Variants in RBPJ observed in about 807,000 individuals in gnomAD.
RBPJ encodes recombination signal binding protein for immunoglobulin kappa J region, also known as recombining binding protein suppressor of hairless.
RBPJ carries 9 observed loss-of-function variants against 67.8 expected under a neutral mutation model. The observed-to-expected ratio is 0.13, with a 90% CI of 0.08 to 0.23. The LOEUF (loss-of-function observed/expected upper bound fraction) is 0.23, where lower values mean the gene tolerates loss of function less well. Among genes scored for constraint, RBPJ ranks in the 10% least tolerant of loss-of-function variants. The pLI is 1.00. For synonymous variants in RBPJ, 198 were observed against 203.3 expected (o/e 0.97, Z 0.22); for missense variants, 305 against 595.6 (o/e 0.51, Z 5.08).
intron 1 of RBPJ, among the ~76,000 whole-genome samples, chr4:26,383,710 A>G (rs1307357128): frequency 1.3e-5 from 2 of 152,172 alleles, no homozygotes; most frequent in African/African-American, 4.8e-5. Flanking sequence ...GGTACATTTA[A>G]TCGGTGTAAA....
At position 26,388,326 on chromosome 4, in the gene RBPJ, A is replaced by C. The variant is rs576217006; in HGVS notation, c.59+1935A>C. On this transcript the variant is annotated intron_variant, in intron 2 of 10. Coordinates refer to ENST00000355476, the MANE Select transcript of RBPJ (RefSeq NM_015874.6). Reference sequence around the variant, plus strand: ...AAAACAGTTATTATATTTGTGTTCTATATGTCCAAGATGTCAAGATCAAGA... The same window carrying C: ...AAAACAGTTATTATATTTGTGTTCTCTATGTCCAAGATGTCAAGATCAAGA... Among the ~76,000 whole-genome samples, 202 of 152,268 alleles carry C rather than the reference A, an allele frequency of 1.3e-3. 1 individual carries two copies. The highest frequency in any genetic ancestry group is 2.4e-3 in the Non-Finnish European group (161 of 68,022).
intron 1 of RBPJ, among the ~76,000 whole-genome samples, chr4:26,290,939 T>C (rs1264400016): frequency 6.6e-6 from 1 of 151,100 alleles, no homozygotes; most frequent in African/African-American, 2.4e-5. Context: ...AAAGCAGATA[T>C]GCTAAAGTAA....
At chr4:26,316,326 T>TATATATACATTCATATATACATATTC (rs1288525880), upstream of RBPJ, among the ~76,000 whole-genome samples, 6 of 147,474 alleles carry the variant, frequency 4.1e-5, no homozygotes, top group Admixed American at 2.1e-4. Context: ...TACATATTCA[T>TATATATACATTCATATATACATATTC]ATATATACAT....
intron 1 of RBPJ, among the ~76,000 whole-genome samples, chr4:26,305,771 CTTTT>C (rs71276617): frequency 1.3e-4 from 9 of 67,770 alleles, no homozygotes; most frequent in South Asian, 5.5e-4. Flanking sequence ...ATTTTCTTTT[CTTTT>C]TTTTTTTTTT....
intron 1 of RBPJ, among the ~76,000 whole-genome samples, chr4:26,216,298 C>T (rs1028612766): frequency 2.6e-5 from 4 of 152,080 alleles, no homozygotes; most frequent in African/African-American, 9.7e-5. Flanking sequence ...AAGAACATAT[C>T]ATTTGGGAAG....
intron 1 of RBPJ, among the ~76,000 whole-genome samples, chr4:26,357,331 C>T (rs2109474467): frequency 6.6e-6 from 1 of 152,222 alleles, no homozygotes; most frequent in South Asian, 2.1e-4. Context: ...GCATCAAACT[C>T]AAGTAGTGTT....
chr4:26,363,397 G>A (rs1728279796), intron 1 of RBPJ, among the ~76,000 whole-genome samples: 1 of 152,072 alleles, frequency 6.6e-6, no homozygotes, highest in East Asian at 1.9e-4. Context: ...TTCGGCCTCC[G>A]AAAGTGCTGG....
chr4:26,419,503 T>G (rs1170639229), intron 4 of RBPJ, among the ~76,000 whole-genome samples: 1 of 152,200 alleles, frequency 6.6e-6, no homozygotes, highest in Non-Finnish European at 1.5e-5. Flanking sequence ...ATTTTAAAGA[T>G]AAAAACCTAG....
the RBPJ span, among the ~76,000 whole-genome samples, chr4:26,121,135 T>G: frequency 6.6e-6 from 1 of 151,894 alleles, no homozygotes; most frequent in South Asian, 2.1e-4. Context: ...CTTTCAAAAT[T>G]TTCAGAAAAT....
At chr4:26,410,764 C>G (rs569317642) in intron 3 of RBPJ, among the ~76,000 whole-genome samples, 1 of 152,170 alleles carries the variant, frequency 6.6e-6, no homozygotes, top group Admixed American at 6.5e-5. Context: ...GATAAAAAGC[C>G]TTCTTTGAAT....
At chr4:26,107,310 A>G in the RBPJ span, among the ~76,000 whole-genome samples, 21 of 152,380 alleles carry the variant, frequency 1.4e-4, no homozygotes, top group Admixed American at 3.9e-4. Context: ...AGTGCCTTGG[A>G]AAGGAGAGGT....
intron 2 of RBPJ, among the ~76,000 whole-genome samples, chr4:26,404,269 G>T (rs971048078): frequency 4.6e-5 from 7 of 151,834 alleles, no homozygotes. Context: ...CCTTATAGAT[G>T]CTGGATAGTA....
chr4:26,385,522 G>A (rs1284044954), intron 1 of RBPJ, among the ~76,000 whole-genome samples: 1 of 152,148 alleles, frequency 6.6e-6, no homozygotes, highest in African/African-American at 2.4e-5. Flanking sequence ...TAACTGCCAT[G>A]TTGTACTCCA....
chr4:26,362,521 G>C lies in RBPJ; in HGVS notation c.21-23832G>C. 1.9e-6 allele frequency: 3 copies of C among 1,574,872 alleles called. No individual in the cohort carries two copies. In the South Asian group the frequency reaches 3.5e-5, roughly 19 times the overall value. The stretch of plus-strand genomic sequence containing the variant: ...GAACCATTATGATCTCAAAACGAAA[G>C]GAGAATGATACAGATACACTGGCTG... On this transcript the variant is annotated intron_variant, in intron 1 of 10. Coordinates refer to ENST00000355476, the MANE Select transcript of RBPJ (RefSeq NM_015874.6).
At chr4:26,332,871 A>G (rs982024781) in intron 1 of RBPJ, among the ~76,000 whole-genome samples, 1 of 152,108 alleles carries the variant, frequency 6.6e-6, no homozygotes, top group Non-Finnish European at 1.5e-5. Context: ...CTGGTTTCAA[A>G]CTGCTGGTCT....
At position 26,233,244 on chromosome 4, in the gene RBPJ, G is replaced by A. The variant is rs115069070; in HGVS notation, c.-167+69630G>A. ...ATGGAGCTATAAATTAAAATACTGG[G>A]GGGGAAAACTATAAATGATTATCTC... On this transcript the variant is annotated intron_variant, in intron 1 of 4. Transcript: ENST00000512351. Among the ~76,000 whole-genome samples the A allele has an allele frequency of 2.5e-3, 384 of 152,218 alleles. 2 individuals are homozygous for A. The highest frequency in any genetic ancestry group is 8.8e-3 in the African/African-American group (367 of 41,540).
chr4:26,109,425 CCTCTCTCT>C, the RBPJ span, among the ~76,000 whole-genome samples: 15 of 22,912 alleles, frequency 6.5e-4, no homozygotes, highest in African/African-American at 3.2e-3. Context: ...TCTCTCTCTC[CCTCTCTCT>C]CTCTCTCTCT....
intron 1 of RBPJ, among the ~76,000 whole-genome samples, chr4:26,328,062 T>G (rs1723832964): frequency 6.6e-6 from 1 of 152,100 alleles, no homozygotes; most frequent in Non-Finnish European, 1.5e-5. Context: ...TTTGGAAAAC[T>G]GCAGATCTGC....
Position 26,431,917 on chromosome 4 carries a change from A to G in RBPJ, c.*910A>G, listed in dbSNP as rs1577685040. On this transcript the variant is annotated 3_prime_UTR_variant, in exon 11 of 11. Transcript: ENST00000355476. ...ATTTGGTGTGGCCATTTAGCTATTA[A>G]TGAGTTAATGGCGCAGAACTTGTTG... The G allele has an allele frequency of 6.6e-6, 1 of 152,148 alleles. No homozygotes were observed. The highest frequency in any genetic ancestry group is 1.9e-4 in the East Asian group (1 of 5,194). The allele number at this position is 152,148 out of a possible 1,614,324, so 9.4% of individuals were successfully genotyped here.
Sources: gnomAD v4.1 joint callset for allele counts (sites outside exome capture counted in the v4.1 genomes callset) on GRCh38, gnomAD v4.1.1 for gene constraint, MANE v1.5 for transcripts, NCBI Gene and HGNC (gene_info 2026-07-23, HGNC 2026-07-21) for gene names.